Variants in SLC9C1 observed in about 807,000 individuals in gnomAD.
The protein encoded by SLC9C1 is sodium/hydrogen exchanger 10.
A neutral mutation model predicts 140.9 loss-of-function variants in SLC9C1; 97 were observed. That is an observed-to-expected ratio of 0.69 (90% CI 0.58 to 0.82). The LOEUF is 0.82. Ranked by LOEUF, SLC9C1 falls within the 40% of genes least tolerant of loss-of-function variation. The pLI is 0.00. For missense variants in SLC9C1, 1,340 were observed against 1,389.3 expected (o/e 0.96, Z 0.56); for synonymous variants, 440 against 442.6 (o/e 0.99, Z 0.07).
chr3:112,217,105 A>G (rs1287798561), intron 15 of SLC9C1, among the ~76,000 whole-genome samples: 2 of 152,202 alleles, frequency 1.3e-5, no homozygotes, highest in East Asian at 3.8e-4. Context: ...TATTGCAAGG[A>G]CGAAAAACCA....
At chr3:112,156,338 T>C (rs1039573560) in intron 26 of SLC9C1, among the ~76,000 whole-genome samples, 8 of 151,988 alleles carry the variant, frequency 5.3e-5, no homozygotes, top group African/African-American at 1.9e-4. Context: ...AATTTTATTG[T>C]TTTTTTAATG....
chr3:112,146,053 G>A (rs1432416584), intron 28 of SLC9C1, among the ~76,000 whole-genome samples: 2 of 152,118 alleles, frequency 1.3e-5, no homozygotes, highest in Admixed American at 6.5e-5. Context: ...TTTATCAGCA[G>A]CAGAAAAACG....
intron 12 of SLC9C1, among the ~76,000 whole-genome samples, chr3:112,232,829 C>A (rs1490788399): frequency 6.6e-6 from 1 of 151,858 alleles, no homozygotes; most frequent in Admixed American, 6.6e-5. Flanking sequence ...TATCTTAAAG[C>A]ATATCTCAGA....
Position 112,141,174 on chromosome 3 carries a change from C to G in SLC9C1, c.*98G>C. On this transcript the variant is annotated 3_prime_UTR_variant, in exon 29 of 29. Transcript: ENST00000305815. ...CAAGATCATCCACACAGGATCCAAC[C>G]TGAAGTTACTCCTTCTTGATGTAGG... 7.7e-7 allele frequency: 1 copy of G among 1,291,928 alleles called. No homozygotes were observed. Among genetic ancestry groups the G allele is most frequent in the Non-Finnish European group, 1.0e-6 (1 of 970,598 alleles). 80.0% of individuals were successfully genotyped at this position (1,291,928 alleles called of 1,614,324 possible).
intron 20 of SLC9C1, among the ~76,000 whole-genome samples, chr3:112,184,443 G>T (rs2077494333): frequency 7.5e-6 from 1 of 132,938 alleles, no homozygotes. Flanking sequence ...TTCGAGACCA[G>T]CCTGGCCAAC....
At chr3:112,207,113 T>C (rs2078075078) in intron 16 of SLC9C1, among the ~76,000 whole-genome samples, 1 of 152,138 alleles carries the variant, frequency 6.6e-6, no homozygotes, top group South Asian at 2.1e-4. Flanking sequence ...GAGAAAATAG[T>C]CAAAATTCCT....
intron 6 of SLC9C1, 63 bp downstream of exon 6, chr3:112,274,834 A>G: frequency 7.4e-7 from 1 of 1,348,146 alleles, no homozygotes; most frequent in Non-Finnish European, 9.9e-7. Flanking sequence ...TACAAAATAC[A>G]CATCAGCTTT....
rs1484638809 is a variant in SLC9C1 at position 112,204,514 on chromosome 3, G to GTATGAAATAT, written c.1987-121_1987-112dup. The GTATGAAATAT allele has an allele frequency of 5.2e-5, 61 of 1,168,664 alleles. No individual in the cohort carries two copies. In the African/African-American group the frequency reaches 9.3e-4, roughly 18 times the overall value. 72.4% of individuals were successfully genotyped at this position (1,168,664 alleles called of 1,614,324 possible). ...GGCTTTTCTCTTATCTACTCCACATGTATGAAATATCCTCAGGAAACCAAA... is the reference window on the plus strand; with the variant it reads ...GGCTTTTCTCTTATCTACTCCACATGTATGAAATATTATGAAATATCCTCAGGAAACCAAA... On this transcript the variant is annotated intron_variant, in intron 16 of 28. Coordinates refer to ENST00000305815, the MANE Select transcript of SLC9C1 (RefSeq NM_183061.3).
At chr3:112,266,660 G>A (rs1397154800) in intron 7 of SLC9C1, among the ~76,000 whole-genome samples, 1 of 152,184 alleles carries the variant, frequency 6.6e-6, no homozygotes, top group Non-Finnish European at 1.5e-5. Flanking sequence ...ATGAAAATCA[G>A]CTGATGATTT....
At chr3:112,209,501 C>T (rs1205764108) in intron 15 of SLC9C1, among the ~76,000 whole-genome samples, 1 of 117,880 alleles carries the variant, frequency 8.5e-6, no homozygotes, top group Admixed American at 1.0e-4. Context: ...ATATTTCTTT[C>T]CCTTGAATCT....
At chr3:112,260,075 ATAATTTGTTGAGTTATATAGAG>A (rs1008758105) in intron 10 of SLC9C1, among the ~76,000 whole-genome samples, 1 of 152,074 alleles carries the variant, frequency 6.6e-6, no homozygotes, top group Non-Finnish European at 1.5e-5. Flanking sequence ...TAGTTGTTCT[ATAATTTGTTGAGTTATATAGAG>A]GAGTATTAAA....
At chr3:112,250,630 C>A (rs1042603186) in intron 10 of SLC9C1, among the ~76,000 whole-genome samples, 2 of 152,080 alleles carry the variant, frequency 1.3e-5, no homozygotes, top group Non-Finnish European at 2.9e-5. Flanking sequence ...AGATGGCCAA[C>A]ACACACGTGA....
At chr3:112,254,787 CAG>C (rs2108269340) in intron 10 of SLC9C1, among the ~76,000 whole-genome samples, 1 of 152,128 alleles carries the variant, frequency 6.6e-6, no homozygotes, top group East Asian at 1.9e-4. Context: ...ATTTAAAAGA[CAG>C]AGAGCAGCAA....
intron 15 of SLC9C1, among the ~76,000 whole-genome samples, chr3:112,214,472 T>C (rs1003505621): frequency 8.6e-5 from 13 of 151,490 alleles, no homozygotes; most frequent in African/African-American, 3.2e-4. Flanking sequence ...GCAAGACTAA[T>C]AAAGAGGAAA....
At chr3:112,288,603 A>G (rs867378554) in intron 1 of SLC9C1, among the ~76,000 whole-genome samples, 1 of 152,206 alleles carries the variant, frequency 6.6e-6, no homozygotes, top group South Asian at 2.1e-4. Context: ...CAAAAAATAA[A>G]AAACTTACCT....
At chr3:112,236,241 T>C (rs1479290069) in intron 12 of SLC9C1, among the ~76,000 whole-genome samples, 1 of 152,212 alleles carries the variant, frequency 6.6e-6, no homozygotes, top group Non-Finnish European at 1.5e-5. Flanking sequence ...TTCTAGATTT[T>C]CTAGTTTATT....
intron 10 of SLC9C1, among the ~76,000 whole-genome samples, chr3:112,247,526 T>C (rs558417919): frequency 7.9e-5 from 12 of 152,294 alleles, no homozygotes; most frequent in Admixed American, 5.2e-4. Context: ...AGACAACCCA[T>C]AGGGGAGTGT....
intron 3 of SLC9C1, 41 bp downstream of exon 3, chr3:112,280,642 T>A (rs2080332314): frequency 6.6e-7 from 1 of 1,507,082 alleles, no homozygotes; most frequent in South Asian, 1.2e-5. Flanking sequence ...TTTATATAAT[T>A]CTCAAATAAA....
rs368334433 is a variant in SLC9C1, at chr3:112,227,323, C to T, written c.1572+4038G>A. The stretch of plus-strand genomic sequence containing the variant: ...TATAGGCTAATATCCCTCATGAACA[C>T]AGATGCAAAAATCCTCAACAAAATA... On this transcript the variant is annotated intron_variant, in intron 13 of 28. Coordinates refer to ENST00000305815, the MANE Select transcript of SLC9C1 (RefSeq NM_183061.3). Among the ~76,000 whole-genome samples the T allele has an allele frequency of 5.3e-5, 8 of 152,112 alleles. 1 individual carries two copies. The East Asian group carries it at 1.3e-3, about 26-fold the overall frequency.
Sources: gnomAD v4.1 joint callset for allele counts (sites outside exome capture counted in the v4.1 genomes callset) on GRCh38, gnomAD v4.1.1 for gene constraint, MANE v1.5 for transcripts, NCBI Gene and HGNC (gene_info 2026-07-23, HGNC 2026-07-21) for gene names.